The following OSBPL5 variants were observed in gnomAD, a reference collection of about 807,000 sequenced individuals.
OSBPL5 encodes the protein oxysterol-binding protein-related protein 5.
Under a neutral mutation model 111.2 loss-of-function variants are expected in OSBPL5, and 71 were observed. That is an observed-to-expected ratio of 0.64 (90% CI 0.53 to 0.78). The LOEUF is 0.78. Among genes scored for constraint, OSBPL5 ranks in the 30% least tolerant of loss-of-function variants. The probability of loss-of-function intolerance (pLI) is 0.00; values close to 1 mark genes in which losing one functional copy is unlikely to be tolerated. For missense variants in OSBPL5, 1,210 were observed against 1,189.3 expected (o/e 1.02, Z -0.26); for synonymous variants, 549 against 513.9 (o/e 1.07, Z -0.93).
intron 1 of OSBPL5, among the ~76,000 whole-genome samples, chr11:3,157,021 C>G (rs879942483): frequency 6.6e-6 from 1 of 152,250 alleles, no homozygotes; most frequent in Non-Finnish European, 1.5e-5. Flanking sequence ...CTCCTCGGGG[C>G]CCCCAAGGGC....
chr11:3,090,620 C>A lies in OSBPL5; in HGVS notation c.2336G>T (p.Gly779Val). Residue 779 changes from glycine to valine, a missense_variant, in exon 20 of 22, where the codon GGA becomes GTA. Physicochemically the swap from Gly to Val is moderately radical, Grantham distance 109. Transcript: ENST00000263650. ...SGHSQATESS[G>V]STPESCPELS... ...CTCTGGGCAGGACTCAGGCGTGGAT[C>A]CGCTGCTCTCCGTGGCCTGGCTGTG... is the stretch of plus-strand genomic sequence containing the variant. 1 of 1,613,082 alleles carries A rather than the reference C, an allele frequency of 6.2e-7. No individual in the cohort carries two copies. The highest frequency in any genetic ancestry group is 8.5e-7 in the Non-Finnish European group (1 of 1,179,972).
intron 14 of OSBPL5, among the ~76,000 whole-genome samples, chr11:3,095,335 A>G (rs1438018431): frequency 6.6e-6 from 1 of 151,790 alleles, no homozygotes; most frequent in Non-Finnish European, 1.5e-5. Flanking sequence ...AAAAGAAAAG[A>G]AAAGAAAGAA....
chr11:3,131,571 C>T (rs1301708168), intron 1 of OSBPL5, among the ~76,000 whole-genome samples: 1 of 140,588 alleles, frequency 7.1e-6, no homozygotes, highest in African/African-American at 2.9e-5. Flanking sequence ...ATTCATCCAT[C>T]CATCCATCCA....
At position 3,146,881 on chromosome 11, in the gene OSBPL5, C is replaced by T. The variant is rs754272142; in HGVS notation, c.-21-17712G>A. Among the ~76,000 whole-genome samples the T allele has an allele frequency of 1.4e-4, 21 of 152,182 alleles. No homozygotes were observed. The highest frequency in any genetic ancestry group is 5.2e-4 in the Admixed American group (8 of 15,288). ...GTTTCTATTTATGATTCGCCTCTCA[C>T]GCCCCTTCCCAGCACACCCAGCTCT... On this transcript the variant is annotated intron_variant, in intron 1 of 21. Coordinates refer to ENST00000263650, the MANE Select transcript of OSBPL5 (RefSeq NM_020896.4). The surrounding 1 kb of genome is among the most constrained non-coding windows in gnomAD (Gnocchi z 7.8).
In OSBPL5 at chr11:3,102,182, C is replaced by T; in HGVS notation, c.1425+1G>A. The T allele has an allele frequency of 1.3e-6, 2 of 1,595,884 alleles. No individual in the cohort carries two copies. The highest frequency in any genetic ancestry group is 2.3e-5 in the East Asian group (1 of 44,210). The stretch of plus-strand genomic sequence containing the variant: ...GCCGGTTGCAGCAGAGGTGCTCTTG[C>T]CTGCTCTGCTATGTAGAATGTGCGG... On this transcript the variant is annotated splice_donor_variant, in intron 12 of 21. Coordinates refer to ENST00000263650, the MANE Select transcript of OSBPL5 (RefSeq NM_020896.4). LOFTEE classifies it high-confidence loss of function.
chr11:3,102,373 G>T, intron 11 of OSBPL5, 92 bp from the exon 12 acceptor site: 1 of 1,210,640 alleles, frequency 8.3e-7, no homozygotes, highest in Non-Finnish European at 1.2e-6. Context: ...GGGCAGCGTG[G>T]GTGGGCTACC....
rs770605170 is a variant in OSBPL5, at chr11:3,113,547, C to T, written c.692-5602G>A. On this transcript the variant is annotated intron_variant, in intron 7 of 21. Transcript: ENST00000263650. The surrounding 1 kb of genome is among the most constrained non-coding windows in gnomAD (Gnocchi z 4.8). ...GCAGGCACCTGTAATCCCAGCTACT[C>T]GTGAGGCTGAGGCAGGAGAATTGCT... Among the ~76,000 whole-genome samples, 16 of 151,962 alleles carry T rather than the reference C, an allele frequency of 1.1e-4. No individual in the cohort carries two copies. The highest frequency in any genetic ancestry group is 3.4e-3 in the Middle Eastern group (1 of 294).
At chr11:3,103,857 TGCGC>T (rs1857590573) in intron 10 of OSBPL5, among the ~76,000 whole-genome samples, 1 of 110,230 alleles carries the variant, frequency 9.1e-6, no homozygotes, top group Non-Finnish European at 1.9e-5. Context: ...CTTTCCAGTC[TGCGC>T]AGCCCCCTTC....
Position 3,113,452 on chromosome 11 carries a change from C to T in OSBPL5, c.692-5507G>A. Among the ~76,000 whole-genome samples, 1 of 152,038 alleles carries T rather than the reference C, an allele frequency of 6.6e-6. No individual in the cohort carries two copies. Among genetic ancestry groups the T allele is most frequent in the Non-Finnish European group, 1.5e-5 (1 of 68,008 alleles). On this transcript the variant is annotated intron_variant, in intron 7 of 21. Coordinates refer to ENST00000263650, the MANE Select transcript of OSBPL5 (RefSeq NM_020896.4). The surrounding 1 kb of genome is among the most constrained non-coding windows in gnomAD (Gnocchi z 4.8). ...TGGGTGGATCACAAAGTCAGGAGTT[C>T]AAGACCAGTCTGGCCAACATAGTGA... is the stretch of plus-strand genomic sequence containing the variant.
rs1349146394 is a variant in OSBPL5 at position 3,130,411 on chromosome 11, G to GA, written c.-21-1243_-21-1242insT. 1.3e-5 allele frequency among the ~76,000 whole-genome samples: 2 copies of GA among 152,232 alleles called. No individual in the cohort carries two copies. Among genetic ancestry groups the GA allele is most frequent in the East Asian group, 3.9e-4 (2 of 5,194 alleles). On this transcript the variant is annotated intron_variant, in intron 1 of 21. Transcript: ENST00000263650. The surrounding 1 kb of genome is among the most constrained non-coding windows in gnomAD (Gnocchi z 4.5). The stretch of plus-strand genomic sequence containing the variant: ...CCCATGGTCCTGGGCTTTGCTGGGG[G>GA]GGGCCTCAGACACACAGAGACTTTC...
chr11:3,093,717 C>T (rs745737778), intron 16 of OSBPL5, 29 bp downstream of exon 16: 28 of 1,612,468 alleles, frequency 1.7e-5, no homozygotes, highest in African/African-American at 1.2e-4. Flanking sequence ...ACCGCCCGGC[C>T]GTGCCTGCCC....
intron 13 of OSBPL5, 83 bp downstream of exon 13, chr11:3,101,520 A>C: frequency 7.7e-7 from 1 of 1,299,732 alleles, no homozygotes. Context: ...CCCCATCCAG[A>C]TCTTGGTCCA....
In OSBPL5 at chr11:3,146,921, G is replaced by T. The variant is rs1452002711; in HGVS notation, c.-21-17752C>A. Among the ~76,000 whole-genome samples, 1 of 152,164 alleles carries T rather than the reference G, an allele frequency of 6.6e-6. No individual in the cohort carries two copies. Among genetic ancestry groups the T allele is most frequent in the African/African-American group, 2.4e-5 (1 of 41,440 alleles). ...CACCCAGCTCTGGTCTTCACGAGGG[G>T]CTGGGATTTTAGAGGTGGCTCAGCT... On this transcript the variant is annotated intron_variant, in intron 1 of 21. Transcript: ENST00000263650. The surrounding 1 kb of genome is among the most constrained non-coding windows in gnomAD (Gnocchi z 7.8).
At chr11:3,103,105 G>A in intron 11 of OSBPL5, 134 bp downstream of exon 11, 1 of 712,870 alleles carries the variant, frequency 1.4e-6, no homozygotes, top group Non-Finnish European at 2.3e-6. Flanking sequence ...GCCCTCTGTG[G>A]GGGTGACCAG....
At position 3,121,881 on chromosome 11, in the gene OSBPL5, G is replaced by A. The variant is rs1263602405; in HGVS notation, c.402+116C>T. ...AGGAGCAGAGGCTGCAGTGATAACG[G>A]CTAGATGCAGGGAAGTGAATTTCCA... On this transcript the variant is annotated intron_variant, in intron 5 of 21. Coordinates refer to ENST00000263650, the MANE Select transcript of OSBPL5 (RefSeq NM_020896.4). This position sits in a 1 kb window ranked among gnomAD's most constrained non-coding sequence, Gnocchi z 4.3. 1 of 875,974 alleles carries A rather than the reference G, an allele frequency of 1.1e-6. No homozygotes were observed. Among genetic ancestry groups the A allele is most frequent in the African/African-American group, 1.7e-5 (1 of 60,464 alleles). The allele number at this position is 875,974 out of a possible 1,614,324, so 54.3% of individuals were successfully genotyped here.
In OSBPL5 at chr11:3,100,099, A is replaced by G. The variant is rs367746701; in HGVS notation, c.1621+59T>C. ...AAGCAAATAACCAAAGGGTTTTAGC[A>G]TCTAGCTGCTCTCACAGAGCCTGGC... On this transcript the variant is annotated intron_variant, in intron 14 of 21. Coordinates refer to ENST00000263650, the MANE Select transcript of OSBPL5 (RefSeq NM_020896.4). 7.5e-5 allele frequency: 112 copies of G among 1,495,548 alleles called. No individual in the cohort carries two copies. The African/African-American group carries it at 1.1e-3, about 15-fold the overall frequency. The allele number at this position is 1,495,548 out of a possible 1,614,324, so 92.6% of individuals were successfully genotyped here. A position where few individuals can be genotyped will look rare whatever the true frequency, so the allele number is the denominator to read the frequency against.
chr11:3,134,290 AGCCATCCGCTG>A (rs1845891890), intron 1 of OSBPL5, among the ~76,000 whole-genome samples: 2 of 152,308 alleles, frequency 1.3e-5, no homozygotes, highest in South Asian at 4.1e-4. Flanking sequence ...TTGCCACTGT[AGCCATCCGCTG>A]GCCACCCAGC....
chr11:3,123,902 C>A (rs1403338616), intron 3 of OSBPL5, among the ~76,000 whole-genome samples: 1 of 152,160 alleles, frequency 6.6e-6, no homozygotes, highest in Non-Finnish European at 1.5e-5. Context: ...GGCATGGAAC[C>A]GTTCCACGGA....
intron 13 of OSBPL5, among the ~76,000 whole-genome samples, chr11:3,100,947 G>C (rs1857430757): frequency 6.6e-6 from 1 of 151,654 alleles, no homozygotes; most frequent in Non-Finnish European, 1.5e-5. Flanking sequence ...TGGCAATAGA[G>C]GGACTGCAGT....
Sources: allele counts gnomAD v4.1 joint callset (sites outside exome capture counted in the v4.1 genomes callset), GRCh38; gene constraint gnomAD v4.1.1; non-coding constraint Gnocchi (gnomAD v3.1); transcripts MANE v1.5; gene names NCBI Gene and HGNC (gene_info 2026-07-23, HGNC 2026-07-21).